Variants in SEMA6A observed in about 807,000 individuals in gnomAD.
SEMA6A encodes semaphorin-6A.
A neutral mutation model predicts 96.8 loss-of-function variants in SEMA6A; 25 were observed. That is an observed-to-expected ratio of 0.26 (90% CI 0.19 to 0.36). The LOEUF (loss-of-function observed/expected upper bound fraction) is 0.36, where lower values mean the gene tolerates loss of function less well. Ranked by LOEUF, SEMA6A falls within the 10% of genes least tolerant of loss-of-function variation. The pLI, the probability that SEMA6A is intolerant of heterozygous loss-of-function variation, is 1.00. For missense variants in SEMA6A, 1,363 were observed against 1,323.1 expected (o/e 1.03, Z -0.47); for synonymous variants, 612 against 518.0 (o/e 1.18, Z -2.46).
chr5:116,447,505 G>A lies in SEMA6A; in HGVS notation c.2201C>T (p.Thr734Ile). The change falls in exon 19 of 19, where the codon ACT (threonine) becomes ATT (isoleucine). Residue 734 changes from threonine to isoleucine, a missense_variant. Transcript: ENST00000343348. ...GAGCATCTTGGCCGTGTTGCCGGGA[G>A]TGGCGAGCTTGCCGTTGTGCATGAG... is the stretch of plus-strand genomic sequence containing the variant. ...TPLMHNGKLA[T>I]PGNTAKMLIK... The A allele has an allele frequency of 1.2e-6, 2 of 1,614,098 alleles. No individual in the cohort carries two copies. Among genetic ancestry groups the A allele is most frequent in the Non-Finnish European group, 1.7e-6 (2 of 1,179,912 alleles).
intron 1 of SEMA6A, among the ~76,000 whole-genome samples, chr5:116,549,635 T>G (rs116272260): frequency 6.6e-6 from 1 of 152,174 alleles, no homozygotes; most frequent in Non-Finnish European, 1.5e-5. Flanking sequence ...GAAATTACCC[T>G]CTTCTCTTCT....
intron 18 of SEMA6A, among the ~76,000 whole-genome samples, chr5:116,459,028 C>T (rs1268830242): frequency 1.3e-5 from 2 of 152,100 alleles, no homozygotes; most frequent in South Asian, 2.1e-4. Context: ...TTCCTTTTCT[C>T]GTAGGTGACC....
chr5:116,563,203 G>A (rs1278587356), intron 1 of SEMA6A, among the ~76,000 whole-genome samples: 2 of 152,114 alleles, frequency 1.3e-5, no homozygotes, highest in Non-Finnish European at 1.5e-5. Flanking sequence ...AAGAACTGGG[G>A]CACCACTCAA....
intron 17 of SEMA6A, 142 bp from the exon 18 acceptor site, chr5:116,467,889 GT>G: frequency 1.7e-6 from 1 of 602,662 alleles, no homozygotes. Flanking sequence ...CTTAGTGGTG[GT>G]GGTGGTGGTG....
intron 1 of SEMA6A, among the ~76,000 whole-genome samples, chr5:116,525,248 G>C (rs183077993): frequency 6.6e-6 from 1 of 152,268 alleles, no homozygotes; most frequent in Admixed American, 6.5e-5. Flanking sequence ...TTCCACCCTA[G>C]TCCTTCCATT....
At chr5:116,553,168 C>G (rs945913286) in intron 1 of SEMA6A, among the ~76,000 whole-genome samples, 3 of 152,162 alleles carry the variant, frequency 2.0e-5, no homozygotes, top group Admixed American at 1.3e-4. Context: ...AATTTTGTAT[C>G]AGATCTATTT....
At chr5:116,509,919 G>A (rs1300771730) in intron 1 of SEMA6A, among the ~76,000 whole-genome samples, 2 of 151,704 alleles carry the variant, frequency 1.3e-5, no homozygotes, top group African/African-American at 4.8e-5. Flanking sequence ...AAACAAACTG[G>A]GGAACAGGGC....
chr5:116,494,271 C>T (rs1159366251), intron 6 of SEMA6A, among the ~76,000 whole-genome samples: 1 of 152,196 alleles, frequency 6.6e-6, no homozygotes, highest in Non-Finnish European at 1.5e-5. Context: ...ATGCTGTTCC[C>T]TGCTAACTGG....
chr5:116,448,352 GA>G (rs1480726944), intron 18 of SEMA6A, among the ~76,000 whole-genome samples: 1 of 151,790 alleles, frequency 6.6e-6, no homozygotes, highest in Non-Finnish European at 1.5e-5. Flanking sequence ...TTCAAAAAAA[GA>G]AAGAAAGAAA....
chr5:116,459,737 CCT>C (rs1755255521), intron 18 of SEMA6A, among the ~76,000 whole-genome samples: 1 of 152,158 alleles, frequency 6.6e-6, no homozygotes, highest in South Asian at 2.1e-4. Context: ...TCTCCCTCCC[CCT>C]CTTTCCTTGA....
intron 1 of SEMA6A, among the ~76,000 whole-genome samples, chr5:116,558,991 G>A (rs1760708214): frequency 6.6e-6 from 1 of 152,104 alleles, no homozygotes; most frequent in African/African-American, 2.4e-5. Flanking sequence ...CAGGAACTAG[G>A]TGGCTCCATA....
At chr5:116,509,772 C>G (rs929257669) in intron 1 of SEMA6A, among the ~76,000 whole-genome samples, 1 of 152,074 alleles carries the variant, frequency 6.6e-6, no homozygotes, top group Non-Finnish European at 1.5e-5. Flanking sequence ...GGTGCTGGAC[C>G]TCCACACAGC....
At position 116,502,285 on chromosome 5, in the gene SEMA6A, C is replaced by T. The variant is rs772535945; in HGVS notation, c.143G>A (p.Arg48Gln). The T allele has an allele frequency of 9.7e-5, 157 of 1,613,718 alleles. 2 individuals carry two copies. The highest frequency in any genetic ancestry group is 6.8e-4 in the Admixed American group (41 of 59,990). The change falls in exon 3 of 19, where the codon CGG becomes CAG. Residue 48 changes from arginine to glutamine, a missense_variant. Arg to Gln is a conservative substitution (Grantham distance 43). Around this residue, in one of 2 missense-constraint regions of SEMA6A, gnomAD observed 480 missense variants for 559.5 expected, o/e 0.86. Coordinates refer to ENST00000343348, the MANE Select transcript of SEMA6A (RefSeq NM_020796.5). ...CAGCCTGTGCCTCTGTGTGGTGTTC[C>T]GTCCTGGCTTGTGGCCCACAAACAC... ...YPVFVGHKPG[R>Q]NTTQRHRLDI...
chr5:116,518,543 C>T (rs1024301805), intron 1 of SEMA6A, among the ~76,000 whole-genome samples: 16 of 152,094 alleles, frequency 1.1e-4, no homozygotes, highest in Admixed American at 1.0e-3. Flanking sequence ...CAAGAAGAAA[C>T]CAAACTAAAG....
intron 18 of SEMA6A, among the ~76,000 whole-genome samples, chr5:116,452,603 A>G (rs758135364): frequency 5.9e-5 from 9 of 152,312 alleles, no homozygotes; most frequent in East Asian, 1.9e-4. Context: ...AGGAAGCCCA[A>G]TACAATTCTG....
At chr5:116,456,061 T>C (rs1754991400) in intron 18 of SEMA6A, among the ~76,000 whole-genome samples, 1 of 152,236 alleles carries the variant, frequency 6.6e-6, no homozygotes, top group South Asian at 2.1e-4. Context: ...GATTAGACTA[T>C]TTTAAGGCAA....
intron 1 of SEMA6A, among the ~76,000 whole-genome samples, chr5:116,535,890 G>T (rs1206731613): frequency 6.6e-6 from 1 of 152,172 alleles, no homozygotes; most frequent in East Asian, 1.9e-4. Context: ...AGATATGCTG[G>T]TCATTTTGCG....
intron 9 of SEMA6A, among the ~76,000 whole-genome samples, chr5:116,487,789 G>A (rs1334864113): frequency 2.0e-5 from 3 of 152,208 alleles, no homozygotes; most frequent in South Asian, 2.1e-4. Context: ...ACTTGAACCC[G>A]GGAGGTAGAG....
At chr5:116,495,658 T>C (rs529697346) in intron 5 of SEMA6A, 144 bp from the exon 6 acceptor site, 13 of 598,256 alleles carry the variant, frequency 2.2e-5, no homozygotes, top group Admixed American at 6.1e-5. Flanking sequence ...TTCTTCCTGA[T>C]GTTAACCACA....
Sources: gnomAD v4.1 joint callset for allele counts (sites outside exome capture counted in the v4.1 genomes callset) on GRCh38, gnomAD v4.1.1 for gene constraint, gnomAD v4.1.1 regional missense constraint, MANE v1.5 for transcripts, NCBI Gene and HGNC (gene_info 2026-07-23, HGNC 2026-07-21) for gene names.